Variants in FNBP1 observed in about 807,000 individuals in gnomAD.
FNBP1 encodes the protein formin binding protein 1, also known as formin-binding protein 1.
FNBP1 carries 26 observed loss-of-function variants against 90.6 expected under a neutral mutation model. That is an observed-to-expected ratio of 0.29 (90% CI 0.21 to 0.40). FNBP1 has a LOEUF of 0.40. FNBP1 is among the 10% of genes least tolerant of loss of function. The pLI is 1.00. For missense variants in FNBP1, 635 were observed against 768.0 expected (o/e 0.83, Z 2.05); for synonymous variants, 260 against 265.2 (o/e 0.98, Z 0.19).
In FNBP1 at chr9:129,985,728, G is replaced by A. The variant is rs527829546; in HGVS notation, c.141-6354C>T. On this transcript the variant is annotated intron_variant, in intron 2 of 16. Transcript: ENST00000446176. The stretch of plus-strand genomic sequence containing the variant: ...TATAATCCCAGCACTCTGGGAGGCC[G>A]AGGCAGGTGGATCAACTGAGGTTAA... Among the ~76,000 whole-genome samples, 242 of 152,250 alleles carry A rather than the reference G, an allele frequency of 1.6e-3. 1 individual carries two copies. The highest frequency in any genetic ancestry group is 2.7e-3 in the Admixed American group (41 of 15,288).
chr9:129,899,411 A>T (rs2036436873), intron 15 of FNBP1, among the ~76,000 whole-genome samples: 1 of 152,014 alleles, frequency 6.6e-6, no homozygotes, highest in Admixed American at 6.5e-5. Context: ...AGTTCTGGTC[A>T]CAGAAAGAGA....
intron 6 of FNBP1, among the ~76,000 whole-genome samples, chr9:129,934,166 G>A (rs911376018): frequency 1.3e-5 from 2 of 152,122 alleles, no homozygotes; most frequent in Admixed American, 6.5e-5. Flanking sequence ...CTTTTTAAAA[G>A]TCAGTCTAAA....
rs201780050 is a variant in FNBP1, at chr9:129,900,497, C to T, written c.1479G>A (p.Ala493=). The part of the protein sequence containing the change: ...EGRLPARSEQ[A]RRQSGLYDSQ... ...TGTCGTACAGTCCGCTCTGCCGGCG[C>T]GCCTGCTCGCTGCGTGCTGGGAGCC... is the stretch of plus-strand genomic sequence containing the variant. Residue 493 remains alanine (A), a synonymous_variant, in exon 14 of 17, where the codon GCG becomes GCA. Transcript: ENST00000446176. The surrounding 1 kb of genome is among the most constrained non-coding windows in gnomAD (Gnocchi z 4.1). 1.5e-5 allele frequency: 24 copies of T among 1,599,666 alleles called. No individual in the cohort carries two copies. The highest frequency in any genetic ancestry group is 1.4e-4 in the South Asian group (12 of 88,638).
At chr9:129,905,312 A>ATATATATT (rs1327228641) in intron 12 of FNBP1, among the ~76,000 whole-genome samples, 3 of 146,380 alleles carry the variant, frequency 2.0e-5, no homozygotes, top group East Asian at 2.0e-4. Flanking sequence ...ATATATATAT[A>ATATATATT]TTTTGTTAAT....
At chr9:129,936,373 C>G (rs1245291253) in intron 6 of FNBP1, 2 of 152,256 alleles carry the variant, frequency 1.3e-5, no homozygotes, top group Non-Finnish European at 2.9e-5. Context: ...ATTCAGTGAG[C>G]AGCAACCTGC....
chr9:129,916,539 C>G (rs1457262703), intron 10 of FNBP1, among the ~76,000 whole-genome samples: 1 of 151,760 alleles, frequency 6.6e-6, no homozygotes, highest in Admixed American at 6.6e-5. Context: ...ATCGCTTGAA[C>G]CTGGGAGACG....
chr9:129,889,168 A>G lies in FNBP1; in HGVS notation c.*1371T>C, dbSNP rs893341118. 2 of 216,710 alleles carry G rather than the reference A, an allele frequency of 9.2e-6. No homozygotes were observed. The highest frequency in any genetic ancestry group is 1.9e-5 in the Non-Finnish European group (2 of 107,510). The allele number at this position is 216,710 out of a possible 1,614,324, so 13.4% of individuals were successfully genotyped here. A position where few individuals can be genotyped will look rare whatever the true frequency, so the allele number is the denominator to read the frequency against. On this transcript the variant is annotated 3_prime_UTR_variant, in exon 17 of 17. Coordinates refer to ENST00000446176, the MANE Select transcript of FNBP1 (RefSeq NM_015033.3). ...GGGAAAGAAACTTGGCTCTAAAAGCAAACTCAACGAATTCCACATGCCCTG... is the reference window on the plus strand; with the variant it reads ...GGGAAAGAAACTTGGCTCTAAAAGCGAACTCAACGAATTCCACATGCCCTG...
chr9:129,912,518 G>A (rs900018271), intron 11 of FNBP1, among the ~76,000 whole-genome samples: 11 of 151,700 alleles, frequency 7.3e-5, no homozygotes, highest in Admixed American at 2.0e-4. Flanking sequence ...GAAAAACCCC[G>A]TCTCTACTAA....
Position 129,939,395 on chromosome 9 carries a change from AT to A in FNBP1, c.514-9701del, listed in dbSNP as rs376846739. Among the ~76,000 whole-genome samples, 527 of 150,284 alleles carry A rather than the reference AT, an allele frequency of 3.5e-3. 2 individuals are homozygous for A. The highest frequency in any genetic ancestry group is 3.5e-3 in the Middle Eastern group (1 of 284). On this transcript the variant is annotated intron_variant, in intron 6 of 16. Coordinates refer to ENST00000446176, the MANE Select transcript of FNBP1 (RefSeq NM_015033.3). ...CAAGAGCAAGCCTCCGTCCCGAAAA[AT>A]AAAAAAATCTTGCATATGTTATCAC...
Position 129,934,669 on chromosome 9 carries a change from T to G in FNBP1, c.514-4974A>C, listed in dbSNP as rs1205417460. 3.3e-5 allele frequency among the ~76,000 whole-genome samples: 5 copies of G among 152,054 alleles called. No individual in the cohort carries two copies. In the East Asian group the frequency reaches 9.7e-4, roughly 29 times the overall value. On this transcript the variant is annotated intron_variant, in intron 6 of 16. Transcript: ENST00000446176. ...TCACTGCAACCTCTGCCTCCCAGAT[T>G]CAAGCAATTTTCCTGCCTCAGCCTC...
intron 1 of FNBP1, among the ~76,000 whole-genome samples, chr9:130,033,413 C>T (rs1174662245): frequency 6.6e-6 from 1 of 152,186 alleles, no homozygotes; most frequent in Non-Finnish European, 1.5e-5. Context: ...TTCAGGAACC[C>T]GTTCTCAATT....
intron 2 of FNBP1, among the ~76,000 whole-genome samples, chr9:129,982,420 G>A (rs920646506): frequency 2.0e-5 from 3 of 152,074 alleles, no homozygotes; most frequent in African/African-American, 4.8e-5. Flanking sequence ...GCAGTGAGCT[G>A]AGACTGTGCC....
chr9:129,978,682 A>G, intron 3 of FNBP1, 70 bp from the exon 4 acceptor site: 1 of 1,463,832 alleles, frequency 6.8e-7, no homozygotes, highest in East Asian at 2.4e-5. Context: ...CTTTACACCA[A>G]GAAAATATTA....
At chr9:129,962,970 G>GA (rs145576468) in intron 4 of FNBP1, among the ~76,000 whole-genome samples, 10,398 of 152,200 alleles carry the variant, frequency 0.068, 441 homozygotes, top group Middle Eastern at 0.15. Context: ...CTCTGGTCCT[G>GA]AAAGTCTTTA....
At chr9:129,915,606 C>T (rs1336220261) in intron 11 of FNBP1, among the ~76,000 whole-genome samples, 1 of 152,104 alleles carries the variant, frequency 6.6e-6, no homozygotes, top group Non-Finnish European at 1.5e-5. Flanking sequence ...TCAGGCAATC[C>T]ACCCACCTTG....
rs570307449 is a variant in FNBP1 at position 129,941,494 on chromosome 9, C to A, written c.514-11799G>T. Among the ~76,000 whole-genome samples the A allele has an allele frequency of 1.1e-4, 17 of 152,274 alleles. No individual in the cohort carries two copies. The South Asian group carries it at 3.3e-3, about 30-fold the overall frequency. ...ATTTTGTTTTTAACTGAGACAGAGT[C>A]TTGCTCTGTTAACCAGGATGGAGTG... On this transcript the variant is annotated intron_variant, in intron 6 of 16. Coordinates refer to ENST00000446176, the MANE Select transcript of FNBP1 (RefSeq NM_015033.3).
chr9:129,928,232 C>G (rs188910317), intron 7 of FNBP1, among the ~76,000 whole-genome samples: 1 of 152,168 alleles, frequency 6.6e-6, no homozygotes, highest in South Asian at 2.1e-4. Flanking sequence ...AGAAAACAAT[C>G]CAAAAGAAAG....
chr9:129,980,669 GAAA>G (rs199545216), intron 2 of FNBP1, among the ~76,000 whole-genome samples: 114,731 of 126,782 alleles, frequency 0.9, 52,354 homozygotes, highest in South Asian at 0.98. Flanking sequence ...GGTAATCACA[GAAA>G]AAAAAAAAAA....
chr9:129,935,556 C>T (rs539529550), intron 6 of FNBP1, among the ~76,000 whole-genome samples: 6 of 152,152 alleles, frequency 3.9e-5, no homozygotes, highest in South Asian at 2.1e-4. Flanking sequence ...GGTGCAATCT[C>T]GGTTCACTGC....
Sources: allele counts gnomAD v4.1 joint callset (sites outside exome capture counted in the v4.1 genomes callset), GRCh38; gene constraint gnomAD v4.1.1; non-coding constraint Gnocchi (gnomAD v3.1); transcripts MANE v1.5; gene names NCBI Gene and HGNC (gene_info 2026-07-23, HGNC 2026-07-21).